CNTN3: variants seen among roughly 807,000 people sequenced by gnomAD.
CNTN3 encodes the protein contactin 3.
A neutral mutation model predicts 119.1 loss-of-function variants in CNTN3; 60 were observed. That is an observed-to-expected ratio of 0.50 (90% CI 0.41 to 0.62). CNTN3 has a LOEUF of 0.62. Among genes scored for constraint, CNTN3 ranks in the 20% least tolerant of loss-of-function variants. The pLI, the probability that CNTN3 is intolerant of heterozygous loss-of-function variation, is 0.00. For synonymous variants in CNTN3, 450 were observed against 438.7 expected (o/e 1.03, Z -0.32); for missense variants, 1,101 against 1,242.4 (o/e 0.89, Z 1.71).
chr3:74,343,213 T>G (rs1247632288), intron 11 of CNTN3, among the ~76,000 whole-genome samples: 2 of 152,228 alleles, frequency 1.3e-5, no homozygotes, highest in Non-Finnish European at 2.9e-5. Flanking sequence ...AGGCTTAGCC[T>G]TCCTGGCACA....
chr3:74,547,040 A>G (rs1703925763), intron 1 of CNTN3, among the ~76,000 whole-genome samples: 1 of 152,156 alleles, frequency 6.6e-6, no homozygotes, highest in African/African-American at 2.4e-5. Flanking sequence ...TGTCATTCCC[A>G]TCCACTTATC....
intron 5 of CNTN3, among the ~76,000 whole-genome samples, chr3:74,401,344 C>A (rs1705185737): frequency 6.6e-6 from 1 of 152,086 alleles, no homozygotes; most frequent in Non-Finnish European, 1.5e-5. Context: ...TTCATAAAAG[C>A]ATGCACTCAA....
intron 19 of CNTN3, among the ~76,000 whole-genome samples, chr3:74,286,501 T>C (rs1702118165): frequency 6.6e-6 from 1 of 152,064 alleles, no homozygotes; most frequent in East Asian, 1.9e-4. Context: ...TGAAGACTTA[T>C]GGTGGAAAAG....
intron 5 of CNTN3, among the ~76,000 whole-genome samples, chr3:74,405,877 G>A (rs369954079): frequency 6.6e-6 from 1 of 152,020 alleles, no homozygotes; most frequent in Non-Finnish European, 1.5e-5. Context: ...CGTGGGTGAC[G>A]TTCATGAGTT....
chr3:74,309,082 CATTT>C (rs1226450754), intron 13 of CNTN3, among the ~76,000 whole-genome samples: 2 of 151,638 alleles, frequency 1.3e-5, no homozygotes, highest in South Asian at 2.1e-4. Context: ...CATGTTTAGC[CATTT>C]ATTTATTTAT....
intron 11 of CNTN3, among the ~76,000 whole-genome samples, chr3:74,342,139 A>G (rs1320076187): frequency 2.0e-5 from 3 of 152,170 alleles, no homozygotes; most frequent in African/African-American, 7.2e-5. Flanking sequence ...AGTTAAGAAA[A>G]GCAAATATAC....
intron 1 of CNTN3, among the ~76,000 whole-genome samples, chr3:74,603,500 G>T (rs1396882700): frequency 1.3e-5 from 2 of 152,138 alleles, no homozygotes; most frequent in Non-Finnish European, 1.5e-5. Context: ...CAGCTCTCAT[G>T]CAACGCAGAT....
At chr3:74,274,164 G>A (rs1701835702) in intron 20 of CNTN3, among the ~76,000 whole-genome samples, 1 of 152,038 alleles carries the variant, frequency 6.6e-6, no homozygotes, top group African/African-American at 2.4e-5. Context: ...ACCTGCTGTA[G>A]GAGGAGGTCA....
chr3:74,525,486 C>T (rs1703606740), intron 1 of CNTN3, among the ~76,000 whole-genome samples: 1 of 151,742 alleles, frequency 6.6e-6, no homozygotes, highest in Non-Finnish European at 1.5e-5. Context: ...AAAGCTCTCC[C>T]CACTTCTGAA....
intron 13 of CNTN3, among the ~76,000 whole-genome samples, chr3:74,308,012 C>T (rs1303194541): frequency 6.6e-6 from 1 of 152,124 alleles, no homozygotes; most frequent in Non-Finnish European, 1.5e-5. Context: ...CAAACCCTGA[C>T]ATTACATGTA....
chr3:74,295,022 A>C, intron 19 of CNTN3, 99 bp downstream of exon 19: 1 of 741,926 alleles, frequency 1.3e-6, no homozygotes, highest in Non-Finnish European at 2.1e-6. Flanking sequence ...TCGGCCAAAG[A>C]CAGACTTCAA....
intron 11 of CNTN3, among the ~76,000 whole-genome samples, chr3:74,350,274 T>G (rs902514301): frequency 6.6e-6 from 1 of 151,954 alleles, no homozygotes; most frequent in African/African-American, 2.4e-5. Flanking sequence ...ATGGAAACAG[T>G]TAAGTAATAA....
At chr3:74,366,277 G>C (rs1559565668) in intron 8 of CNTN3, among the ~76,000 whole-genome samples, 1 of 152,080 alleles carries the variant, frequency 6.6e-6, no homozygotes, top group Admixed American at 6.6e-5. Flanking sequence ...GGATAAGTTG[G>C]TTCAACTTGA....
intron 1 of CNTN3, among the ~76,000 whole-genome samples, chr3:74,598,710 A>C (rs1704853633): frequency 6.6e-6 from 1 of 152,066 alleles, no homozygotes. Context: ...CATCTACTAC[A>C]TATAAGGCAC....
chr3:74,524,772 T>C (rs1234257732), intron 1 of CNTN3, among the ~76,000 whole-genome samples: 1 of 151,820 alleles, frequency 6.6e-6, no homozygotes, highest in Non-Finnish European at 1.5e-5. Context: ...CTCTAGCCCA[T>C]GTCACTTTGG....
At chr3:74,533,170 A>T (rs1395830680) in intron 1 of CNTN3, among the ~76,000 whole-genome samples, 3 of 151,978 alleles carry the variant, frequency 2.0e-5, no homozygotes, top group Admixed American at 2.0e-4. Flanking sequence ...TTGTATTTTC[A>T]TATTCATAGG....
chr3:74,530,292 A>G (rs1238031138), intron 1 of CNTN3, among the ~76,000 whole-genome samples: 1 of 151,972 alleles, frequency 6.6e-6, no homozygotes, highest in Non-Finnish European at 1.5e-5. Context: ...TACATCCCAA[A>G]GGGAGGTGCC....
chr3:74,353,756 A>T (rs1349294181), intron 11 of CNTN3, among the ~76,000 whole-genome samples: 1 of 150,838 alleles, frequency 6.6e-6, no homozygotes, highest in Non-Finnish European at 1.5e-5. Flanking sequence ...ACTCCGTCTC[A>T]AAAAAAAAAT....
At chr3:74,331,693 T>C (rs1703268144) in intron 13 of CNTN3, among the ~76,000 whole-genome samples, 1 of 152,174 alleles carries the variant, frequency 6.6e-6, no homozygotes, top group African/African-American at 2.4e-5. Context: ...TGGAAGTCTT[T>C]TCCTGCTGAT....
Sources: gnomAD v4.1 joint callset for allele counts (sites outside exome capture counted in the v4.1 genomes callset) on GRCh38, gnomAD v4.1.1 for gene constraint, MANE v1.5 for transcripts, NCBI Gene and HGNC (gene_info 2026-07-23, HGNC 2026-07-21) for gene names.